The following PLCB1 variants were observed in gnomAD, a reference collection of about 807,000 sequenced individuals.
PLCB1 encodes the protein 1-phosphatidylinositol 4,5-bisphosphate phosphodiesterase beta-1.
A neutral mutation model predicts 161.8 loss-of-function variants in PLCB1; 46 were observed. That is an observed-to-expected ratio of 0.28 (90% CI 0.22 to 0.36). The LOEUF is 0.36. Ranked by LOEUF, PLCB1 falls within the 10% of genes least tolerant of loss-of-function variation. The pLI, the probability that PLCB1 is intolerant of heterozygous loss-of-function variation, is 1.00. For synonymous variants in PLCB1, 517 were observed against 503.7 expected (o/e 1.03, Z -0.35); for missense variants, 1,016 against 1,472.5 (o/e 0.69, Z 5.07).
rs1981235774 is a variant in PLCB1, at chr20:8,454,983, A to G, written c.246+83533A>G. 2.0e-5 allele frequency among the ~76,000 whole-genome samples: 3 copies of G among 150,062 alleles called. No individual in the cohort carries two copies. In the South Asian group the frequency reaches 6.2e-4, roughly 31 times the overall value. ...TATTTCTTGAATATAAGGATGGATGAATGAATGAATGAATGGGTGAAACCT... is the reference window on the plus strand; with the variant it reads ...TATTTCTTGAATATAAGGATGGATGGATGAATGAATGAATGGGTGAAACCT... On this transcript the variant is annotated intron_variant, in intron 3 of 31. Coordinates refer to ENST00000338037, the MANE Select transcript of PLCB1 (RefSeq NM_015192.4).
intron 2 of PLCB1, among the ~76,000 whole-genome samples, chr20:8,226,723 T>C (rs566690369): frequency 6.6e-6 from 1 of 152,034 alleles, no homozygotes; most frequent in South Asian, 2.1e-4. Context: ...AATCTCACTC[T>C]GTCTCCCTGG....
chr20:8,491,578 G>A (rs114986682), intron 3 of PLCB1, among the ~76,000 whole-genome samples: 2,024 of 152,208 alleles, frequency 0.013, 41 homozygotes, highest in African/African-American at 0.045. Flanking sequence ...CCGAAATCTT[G>A]AAATCTTGTG....
chr20:8,657,181 C>T lies in PLCB1; in HGVS notation c.595-3C>T, dbSNP rs775342186. 3.8e-6 allele frequency: 6 copies of T among 1,570,138 alleles called. No homozygotes were observed. In the East Asian group the frequency reaches 1.3e-4, roughly 35 times the overall value. ...TTGCTGACTCCGTTGTTTTATTTCC[C>T]AGAATGATTCAATACCTCAAGAAGA... On this transcript the variant is annotated splice_polypyrimidine_tract_variant and splice_region_variant and intron_variant, in intron 7 of 31. Coordinates refer to ENST00000338037, the MANE Select transcript of PLCB1 (RefSeq NM_015192.4).
chr20:8,371,374 C>A lies in PLCB1; in HGVS notation c.178-8C>A. Reference sequence around the variant, plus strand: ...GTTGCTTAACGATTTCACGTTTTTGCCTTCCAGGAGACAGAGCTACTGGAT... The same window carrying A: ...GTTGCTTAACGATTTCACGTTTTTGACTTCCAGGAGACAGAGCTACTGGAT... On this transcript the variant is annotated splice_polypyrimidine_tract_variant and splice_region_variant and intron_variant, in intron 2 of 31. Transcript: ENST00000338037. The A allele has an allele frequency of 6.2e-7, 1 of 1,604,756 alleles. No individual in the cohort carries two copies. The highest frequency in any genetic ancestry group is 1.3e-5 in the African/African-American group (1 of 74,560).
chr20:8,382,749 A>G (rs911835034), intron 3 of PLCB1, among the ~76,000 whole-genome samples: 1 of 151,912 alleles, frequency 6.6e-6, no homozygotes, highest in African/African-American at 2.4e-5. Context: ...GGGTTTCACC[A>G]TGTTAGCCAG....
chr20:8,608,727 TCAAA>T (rs1488665241), intron 3 of PLCB1, among the ~76,000 whole-genome samples: 2 of 152,244 alleles, frequency 1.3e-5, no homozygotes, highest in Non-Finnish European at 2.9e-5. Context: ...GTGTAGCAAC[TCAAA>T]CATTTTCTGA....
intron 3 of PLCB1, among the ~76,000 whole-genome samples, chr20:8,376,703 C>T (rs577342965): frequency 7.2e-5 from 11 of 152,074 alleles, no homozygotes; most frequent in South Asian, 2.1e-4. Flanking sequence ...CTGAGGCGGG[C>T]GGATCACGAG....
chr20:8,551,905 C>T (rs761741206), intron 3 of PLCB1, among the ~76,000 whole-genome samples: 2 of 152,196 alleles, frequency 1.3e-5, no homozygotes, highest in Non-Finnish European at 2.9e-5. Context: ...AAAGGGTCTG[C>T]TTCAAGGAGA....
At chr20:8,386,783 C>T (rs770263854) in intron 3 of PLCB1, among the ~76,000 whole-genome samples, 1 of 152,240 alleles carries the variant, frequency 6.6e-6, no homozygotes, top group African/African-American at 2.4e-5. Flanking sequence ...TAGCCACCTT[C>T]ATCAATGATC....
At chr20:8,356,849 G>A (rs575604321) in intron 2 of PLCB1, among the ~76,000 whole-genome samples, 9 of 152,254 alleles carry the variant, frequency 5.9e-5, no homozygotes, top group Non-Finnish European at 8.8e-5. Context: ...CAGAGAATAC[G>A]TTGCAAAGAT....
chr20:8,599,919 T>C (rs9798508), intron 3 of PLCB1, among the ~76,000 whole-genome samples: 54 of 147,424 alleles, frequency 3.7e-4, no homozygotes, highest in Non-Finnish European at 5.6e-4. Flanking sequence ...GCATTCTTCA[T>C]GTAGTTCTCG....
intron 3 of PLCB1, among the ~76,000 whole-genome samples, chr20:8,515,965 G>A (rs1984091176): frequency 6.6e-6 from 1 of 152,212 alleles, no homozygotes; most frequent in African/African-American, 2.4e-5. Flanking sequence ...TCACACTCAT[G>A]GCAGAAGGCA....
intron 3 of PLCB1, among the ~76,000 whole-genome samples, chr20:8,451,187 C>T (rs142560279): frequency 1.2e-3 from 183 of 152,254 alleles, no homozygotes; most frequent in African/African-American, 4.2e-3. Context: ...CTATATATGT[C>T]CATGTCACAA....
intron 12 of PLCB1, among the ~76,000 whole-genome samples, chr20:8,710,305 T>C (rs566704465): frequency 1.3e-5 from 2 of 152,074 alleles, no homozygotes; most frequent in Admixed American, 6.6e-5. Flanking sequence ...GAACTCACTA[T>C]CGCAACAACA....
intron 2 of PLCB1, among the ~76,000 whole-genome samples, chr20:8,239,676 A>G (rs1980506851): frequency 6.6e-6 from 1 of 151,888 alleles, no homozygotes; most frequent in Non-Finnish European, 1.5e-5. Context: ...TACTGAGTTT[A>G]TTGGTTAACA....
At chr20:8,607,425 G>A (rs1392740112) in intron 3 of PLCB1, among the ~76,000 whole-genome samples, 1 of 152,134 alleles carries the variant, frequency 6.6e-6, no homozygotes, top group Non-Finnish European at 1.5e-5. Flanking sequence ...TTGTGACTTG[G>A]ATTAGAATTT....
At chr20:8,371,788 G>A in intron 3 of PLCB1, 1 of 203,996 alleles carries the variant, frequency 4.9e-6, no homozygotes, top group Non-Finnish European at 9.8e-6. Context: ...TAAACATATG[G>A]GAACTAACCG....
chr20:8,217,263 G>A (rs758365729), intron 2 of PLCB1, among the ~76,000 whole-genome samples: 2 of 152,112 alleles, frequency 1.3e-5, no homozygotes, highest in African/African-American at 2.4e-5. Flanking sequence ...CTAACCCTAG[G>A]TGATCTCTGC....
At chr20:8,393,118 C>T (rs1322129235) in intron 3 of PLCB1, among the ~76,000 whole-genome samples, 1 of 152,042 alleles carries the variant, frequency 6.6e-6, no homozygotes, top group Non-Finnish European at 1.5e-5. Flanking sequence ...TCTCCTCACA[C>T]ACCTAATACA....
Sources: gnomAD v4.1 joint callset for allele counts (sites outside exome capture counted in the v4.1 genomes callset) on GRCh38, gnomAD v4.1.1 for gene constraint, MANE v1.5 for transcripts, NCBI Gene and HGNC (gene_info 2026-07-23, HGNC 2026-07-21) for gene names.